TUBGCP6: variants seen among roughly 807,000 people sequenced by gnomAD.
TUBGCP6 encodes gamma-tubulin complex component 6.
A neutral mutation model predicts 175.8 loss-of-function variants in TUBGCP6; 161 were observed. The ratio of observed to expected loss-of-function variants is 0.92; its 90% CI spans 0.81 to 1.04. TUBGCP6 has a LOEUF of 1.04. Among genes scored for constraint, TUBGCP6 ranks in the 50% least tolerant of loss-of-function variants. TUBGCP6 has a pLI of 0.00. For synonymous variants in TUBGCP6, 1,173 were observed against 1,030.5 expected (o/e 1.14, Z -2.65); for missense variants, 2,572 against 2,433.0 (o/e 1.06, Z -1.20).
At chr22:50,222,634 C>T in intron 13 of TUBGCP6, 42 bp from the exon 14 acceptor site, 2 of 1,599,026 alleles carry the variant, frequency 1.3e-6, no homozygotes, top group Non-Finnish European at 1.7e-6. Context: ...CAAGAGTCAC[C>T]CCACCCCATC....
intron 18 of TUBGCP6, 59 bp downstream of exon 18, chr22:50,219,585 G>A (rs1391528223): frequency 1.3e-6 from 2 of 1,598,816 alleles, no homozygotes; most frequent in African/African-American, 1.3e-5. Context: ...AGGAGGTGGA[G>A]CACGTGCTGG....
At position 50,218,477 on chromosome 22, in the gene TUBGCP6, C is replaced by T. The variant is rs1376110582; in HGVS notation, c.4954+11G>A. The T allele has an allele frequency of 6.8e-6, 11 of 1,613,156 alleles. No individual in the cohort carries two copies. Among genetic ancestry groups the T allele is most frequent in the Admixed American group, 5.0e-5 (3 of 60,012 alleles). On this transcript the variant is annotated intron_variant, in intron 22 of 24. Transcript: ENST00000248846. ...AGGGGTGCGGGGCGCCGGGCTCCAG[C>T]GGGGCCTCACCTGTGCGCTTGAGGT...
At chr22:50,243,034 G>A (rs749394699) in intron 1 of TUBGCP6, among the ~76,000 whole-genome samples, 2 of 152,212 alleles carry the variant, frequency 1.3e-5, no homozygotes, top group Admixed American at 6.5e-5. Context: ...AGGTCACCGG[G>A]CCGGGCACAG....
Position 50,244,217 on chromosome 22 carries a change from G to A in TUBGCP6, c.243C>T (p.Gly81=), listed in dbSNP as rs769085395. 3 of 1,613,336 alleles carry A rather than the reference G, an allele frequency of 1.9e-6. No individual in the cohort carries two copies. The highest frequency in any genetic ancestry group is 2.5e-6 in the Non-Finnish European group (3 of 1,180,042). The part of the protein sequence containing the change: ...LMLSFDLRVG[G]LGPKADRLEE... ...CCAAACGGTCGGCCTTGGGGCCCAG[G>A]CCACCCACTCTCAAGTCAAAGGACA... is the stretch of plus-strand genomic sequence containing the variant. Residue 81 remains glycine, a synonymous_variant, in exon 1 of 25, where the codon GGC becomes GGT. Transcript: ENST00000248846.
rs201103289 is a variant in TUBGCP6 at position 50,243,908 on chromosome 22, A to G, written c.552T>C (p.Ala184=). Residue 184 remains alanine (A), a synonymous_variant, in exon 1 of 25, where the codon GCT becomes GCC. Transcript: ENST00000248846. The part of the protein sequence containing the change: ...MIQETLQVME[A]APGTGLPTVG... ...CGGTGGGCAGGCCAGTGCCTGGAGC[A>G]GCCTCCATAACCTGAAGTGTTTCCT... is the stretch of plus-strand genomic sequence containing the variant. The G allele has an allele frequency of 6.2e-7, 1 of 1,614,054 alleles. No homozygotes were observed. The highest frequency in any genetic ancestry group is 8.5e-7 in the Non-Finnish European group (1 of 1,180,036).
rs2147179937 is a variant in TUBGCP6 at position 50,221,442 on chromosome 22, C to T, written c.2917G>A (p.Ala973Thr). Reference sequence around the variant, plus strand: ...CCTGAGCTGCCCAAGCTGCACTCTGCAGCCTGCAGGGGCCCTGGTGCAGGT... The same window carrying T: ...CCTGAGCTGCCCAAGCTGCACTCTGTAGCCTGCAGGGGCCCTGGTGCAGGT... The part of the protein sequence containing the change: ...TSPAPGPLQA[A>T]ECSLGSSGLQ... Residue 973 changes from alanine (A) to threonine (T), a missense_variant, in exon 16 of 25, where the codon GCA (alanine) becomes ACA (threonine). Transcript: ENST00000248846. 3 of 1,597,296 alleles carry T rather than the reference C, an allele frequency of 1.9e-6. No homozygotes were observed. The highest frequency in any genetic ancestry group is 2.6e-6 in the Non-Finnish European group (3 of 1,174,576).
chr22:50,220,053 G>A (rs569088837), intron 16 of TUBGCP6, 38 bp from the exon 17 acceptor site: 145 of 1,607,094 alleles, frequency 9.0e-5, no homozygotes, highest in Non-Finnish European at 1.1e-4. Context: ...CATCAGGGCC[G>A]AGTGCCTGTG....
At position 50,244,255 on chromosome 22, in the gene TUBGCP6, T is replaced by C; in HGVS notation, c.205A>G (p.Lys69Glu). The change falls in exon 1 of 25, where the codon AAG becomes GAG. Residue 69 changes from lysine to glutamate, a missense_variant. Transcript: ENST00000248846. ...PDMSKLPARNKILMLSFDLRV... is the reference protein window; with the variant it reads ...PDMSKLPARNEILMLSFDLRV... Reference sequence around the variant, plus strand: ...AAGTCAAAGGACAACATGAGGATCTTGTTTCTCGCTGGTAGTTTTGACATG... The same window carrying C: ...AAGTCAAAGGACAACATGAGGATCTCGTTTCTCGCTGGTAGTTTTGACATG... 6.2e-7 allele frequency: 1 copy of C among 1,613,546 alleles called. No homozygotes were observed. Among genetic ancestry groups the C allele is most frequent in the Non-Finnish European group, 8.5e-7 (1 of 1,180,032 alleles).
intron 2 of TUBGCP6, among the ~76,000 whole-genome samples, chr22:50,235,004 A>ATCCACGGCAGCATCCACCCCCTG (rs1466011034): frequency 9.0e-6 from 1 of 111,314 alleles, no homozygotes; most frequent in Admixed American, 9.5e-5. Context: ...CCACACCCCT[A>ATCCACGGCAGCATCCACCCCCTG]TCCACGGCAG....
intron 3 of TUBGCP6, among the ~76,000 whole-genome samples, chr22:50,231,403 G>A (rs1299809969): frequency 1.3e-5 from 2 of 151,750 alleles, no homozygotes; most frequent in South Asian, 2.1e-4. Flanking sequence ...GCAGTGAGCT[G>A]AGATCACACC....
Position 50,218,861 on chromosome 22 carries a change from G to C in TUBGCP6, c.4663C>G (p.Pro1555Ala). The C allele has an allele frequency of 1.2e-6, 2 of 1,613,608 alleles. No individual in the cohort carries two copies. The highest frequency in any genetic ancestry group is 1.7e-6 in the Non-Finnish European group (2 of 1,179,766). ...AGQTPGELLN[P>A]LVLNSVLSKA... ...CTCAGCACAGAGTTCAGCACCAGCGGGTTGAGCAGCTCTCCGGGCGTTTGC... is the reference window on the plus strand; with the variant it reads ...CTCAGCACAGAGTTCAGCACCAGCGCGTTGAGCAGCTCTCCGGGCGTTTGC... The change falls in exon 21 of 25, where the codon CCG (proline) becomes GCG (alanine). Residue 1555 changes from proline (P) to alanine (A), a missense_variant. By Grantham distance (27) the Pro-to-Ala change is conservative. Transcript: ENST00000248846.
chr22:50,218,752 A>G lies in TUBGCP6; in HGVS notation c.4772T>C (p.Phe1591Ser). 1 of 1,614,018 alleles carries G rather than the reference A, an allele frequency of 6.2e-7. No individual in the cohort carries two copies. The highest frequency in any genetic ancestry group is 8.5e-7 in the Non-Finnish European group (1 of 1,179,978). ...SLALKYLPEVFAPNAPDVLSC... is the reference protein window; with the variant it reads ...SLALKYLPEVSAPNAPDVLSC... ...CAGCACATCCGGGGCGTTGGGGGCA[A>G]ACACCTCGGGCAGGTACTTGAGAGC... The change falls in exon 21 of 25, where the codon TTT becomes TCT. Residue 1591 changes from phenylalanine (F) to serine (S), a missense_variant. Phe to Ser is a radical substitution (Grantham distance 155). Coordinates refer to ENST00000248846, the MANE Select transcript of TUBGCP6 (RefSeq NM_020461.4).
In TUBGCP6 at chr22:50,220,913, G is replaced by C. The variant is rs533087823; in HGVS notation, c.3446C>G (p.Ser1149Trp). Residue 1149 changes from serine to tryptophan, a missense_variant, in exon 16 of 25, where the codon TCG becomes TGG. Physicochemically the swap from Ser to Trp is radical, Grantham distance 177. Transcript: ENST00000248846. ...CCGTGGCCGGGTGGGAGCCACGTCC[G>C]ACACGTTCTCCCCAACCCTGATGCT... ...NASIRVGENV[S>W]DVAPTRPRWN... The C allele has an allele frequency of 3.1e-6, 5 of 1,612,070 alleles. No homozygotes were observed. Among genetic ancestry groups the C allele is most frequent in the Middle Eastern group, 1.7e-4 (1 of 6,054 alleles).
At position 50,220,263 on chromosome 22, in the gene TUBGCP6, A is replaced by C. The variant is rs1324312214; in HGVS notation, c.4096T>G (p.Ser1366Ala). 1 of 1,558,652 alleles carries C rather than the reference A, an allele frequency of 6.4e-7. No homozygotes were observed. The highest frequency in any genetic ancestry group is 1.2e-5 in the South Asian group (1 of 82,988). ...ACCCTACTCTGACCTAGTTCTTCAG[A>C]GACACTGTCTCCCGGGGTGTTGGGC... ...WWPNTPGDSV[S>A]EELGPGRSGD... is the part of the protein sequence containing the mutation. The change falls in exon 16 of 25, where the codon TCT (serine) becomes GCT (alanine). Residue 1366 changes from serine to alanine, a missense_variant. Coordinates refer to ENST00000248846, the MANE Select transcript of TUBGCP6 (RefSeq NM_020461.4).
rs371524761 is a variant in TUBGCP6, at chr22:50,225,606, A to G, written c.1983+188T>C. 0.011 allele frequency among the ~76,000 whole-genome samples: 722 copies of G among 63,940 alleles called. 4 individuals are homozygous for G. The highest frequency in any genetic ancestry group is 0.046 in the Middle Eastern group (7 of 152). 41.9% of individuals were successfully genotyped at this position (63,940 alleles called of 152,430 possible). On this transcript the variant is annotated intron_variant, in intron 10 of 24. Coordinates refer to ENST00000248846, the MANE Select transcript of TUBGCP6 (RefSeq NM_020461.4). ...CCCTTGGCACCCACCCTTCATCTCA[A>G]CTCCCCGTTGACACCCACCCTTCAT...
intron 3 of TUBGCP6, among the ~76,000 whole-genome samples, chr22:50,231,499 A>G (rs1406648330): frequency 1.3e-5 from 2 of 151,934 alleles, no homozygotes; most frequent in Non-Finnish European, 2.9e-5. Flanking sequence ...AGAGAGAACC[A>G]AACAAAAAGC....
At chr22:50,238,532 GTTT>G (rs1314149857) in intron 2 of TUBGCP6, among the ~76,000 whole-genome samples, 1 of 113,890 alleles carries the variant, frequency 8.8e-6, no homozygotes, top group African/African-American at 3.9e-5. Flanking sequence ...TGTAGGGCCA[GTTT>G]TTTTTTTTGT....
Position 50,222,562 on chromosome 22 carries a change from G to A in TUBGCP6, c.2301C>T (p.Leu767=). 6.2e-7 allele frequency: 1 copy of A among 1,612,988 alleles called. No individual in the cohort carries two copies. The highest frequency in any genetic ancestry group is 8.5e-7 in the Non-Finnish European group (1 of 1,180,038). The part of the protein sequence containing the change: ...RQALVDHYSK[L]SAEAARREQK... ...GCTCCCGACGAGCTGCCTCTGCAGAGAGCTTGCTGTAGTGGTCGACCAGTG... is the reference window on the plus strand; with the variant it reads ...GCTCCCGACGAGCTGCCTCTGCAGAAAGCTTGCTGTAGTGGTCGACCAGTG... Residue 767 remains leucine (L), a synonymous_variant, in exon 14 of 25, where the codon CTC becomes CTT. Transcript: ENST00000248846.
At chr22:50,222,174 G>GC (rs1439343633) in intron 14 of TUBGCP6, 72 bp from the exon 15 acceptor site, 2 of 1,482,912 alleles carry the variant, frequency 1.3e-6, no homozygotes, top group Admixed American at 1.7e-5. Flanking sequence ...CAAAGCCACA[G>GC]CCCCTACCGC....
Sources: allele counts gnomAD v4.1 joint callset (sites outside exome capture counted in the v4.1 genomes callset), GRCh38; gene constraint gnomAD v4.1.1; transcripts MANE v1.5; gene names NCBI Gene and HGNC (gene_info 2026-07-23, HGNC 2026-07-21).